RNF19A: variants seen among roughly 807,000 people sequenced by gnomAD.
RNF19A encodes E3 ubiquitin-protein ligase RNF19A.
A neutral mutation model predicts 75.7 loss-of-function variants in RNF19A; 32 were observed. That is an observed-to-expected ratio of 0.42 (90% CI 0.32 to 0.57). RNF19A has a LOEUF of 0.57. Ranked by LOEUF, RNF19A falls within the 20% of genes least tolerant of loss-of-function variation. The pLI is 0.10. For missense variants in RNF19A, 782 were observed against 1,036.3 expected, an observed-to-expected ratio of 0.75 and a Z score of 3.37; for synonymous variants, 335 against 345.2, an observed-to-expected ratio of 0.97 and a Z score of 0.33.
chr8:100,282,250 C>A (rs755096996), intron 2 of RNF19A, among the ~76,000 whole-genome samples: 17 of 152,148 alleles, frequency 1.1e-4, no homozygotes, highest in Non-Finnish European at 2.2e-4. Context: ...CATTAAAACA[C>A]CACCAAAAAT....
chr8:100,274,259 T>C (rs1820397709), intron 3 of RNF19A, among the ~76,000 whole-genome samples: 2 of 152,158 alleles, frequency 1.3e-5, no homozygotes, highest in Admixed American at 6.5e-5. Flanking sequence ...AGGAGAGGAA[T>C]ATCATTTCCA....
At chr8:100,299,994 T>A (rs903310494) in intron 1 of RNF19A, among the ~76,000 whole-genome samples, 2 of 152,196 alleles carry the variant, frequency 1.3e-5, no homozygotes, top group Admixed American at 1.3e-4. Context: ...TATATGTACA[T>A]AGGAGATAAG....
At position 100,261,044 on chromosome 8, in the gene RNF19A, C is replaced by G. The variant is rs1819687599; in HGVS notation, c.1682+498G>C. Among the ~76,000 whole-genome samples, 1 of 152,036 alleles carries G rather than the reference C, an allele frequency of 6.6e-6. No homozygotes were observed. The highest frequency in any genetic ancestry group is 6.6e-5 in the Admixed American group (1 of 15,258). On this transcript the variant is annotated intron_variant, in intron 8 of 9. Transcript: ENST00000341084. The surrounding 1 kb of genome is among the most constrained non-coding windows in gnomAD (Gnocchi z 4.4). ...TTTATAATATAAAATGTGACAAGGA[C>G]AGTGAAAAAATTGGCAGAATGTTAT...
intron 1 of RNF19A, among the ~76,000 whole-genome samples, chr8:100,302,603 T>G (rs556852510): frequency 1.4e-4 from 21 of 152,270 alleles, no homozygotes; most frequent in South Asian, 8.3e-4. Flanking sequence ...ATTTGGATGG[T>G]ATGTAAAATC....
chr8:100,263,370 G>A (rs899211038), intron 7 of RNF19A, among the ~76,000 whole-genome samples: 1 of 152,176 alleles, frequency 6.6e-6, no homozygotes, highest in Non-Finnish European at 1.5e-5. Flanking sequence ...CACTGTATTA[G>A]GTTACGTGGA....
chr8:100,314,938 G>A (rs1170370919), upstream of RNF19A, among the ~76,000 whole-genome samples: 2 of 152,162 alleles, frequency 1.3e-5, no homozygotes, highest in African/African-American at 4.8e-5. This position sits in a 1 kb window ranked among gnomAD's most constrained non-coding sequence, Gnocchi z 4.1. Context: ...TTCCCTAGGT[G>A]CTGCGAGACA....
intron 7 of RNF19A, among the ~76,000 whole-genome samples, chr8:100,263,233 T>C (rs942395395): frequency 2.6e-5 from 4 of 152,094 alleles, no homozygotes; most frequent in African/African-American, 9.7e-5. Flanking sequence ...CCAGCAAAGA[T>C]TAATGAGACG....
chr8:100,330,144 C>T lies in RNF19A; in HGVS notation c.-243+5964G>A, dbSNP rs566226143. ...GTTTCCATCCAAACACCATCCCTTC[C>T]ACTTCTTCCAGAGTTTGCTCCCACA... On this transcript the variant is annotated intron_variant, in intron 1 of 3. Coordinates refer to the RNF19A transcript ENST00000519527. The surrounding 1 kb of genome is among the most constrained non-coding windows in gnomAD (Gnocchi z 4.1). Among the ~76,000 whole-genome samples, 5 of 152,298 alleles carry T rather than the reference C, an allele frequency of 3.3e-5. No homozygotes were observed. The highest frequency in any genetic ancestry group is 9.6e-5 in the African/African-American group (4 of 41,566).
intron 3 of RNF19A, among the ~76,000 whole-genome samples, chr8:100,274,590 G>A (rs895957505): frequency 6.6e-6 from 1 of 152,098 alleles, no homozygotes; most frequent in Non-Finnish European, 1.5e-5. Flanking sequence ...TCACCACGTA[G>A]CCCAGGCCGT....
Position 100,264,487 on chromosome 8 carries a change from A to G in RNF19A, c.1306+184T>C. The G allele has an allele frequency of 1.7e-6, 1 of 591,618 alleles. No individual in the cohort carries two copies. The highest frequency in any genetic ancestry group is 2.2e-5 in the South Asian group (1 of 45,610). The allele number at this position is 591,618 out of a possible 1,614,324, so 36.6% of individuals were successfully genotyped here. A position where few individuals can be genotyped will look rare whatever the true frequency, so the allele number is the denominator to read the frequency against. On this transcript the variant is annotated intron_variant, in intron 6 of 9. Coordinates refer to ENST00000341084, the MANE Select transcript of RNF19A (RefSeq NM_183419.4). This position sits in a 1 kb window ranked among gnomAD's most constrained non-coding sequence, Gnocchi z 4.7. ...GGGTGGAGTGGGGAGGAAGGGTATC[A>G]GCCACTAACAATTTACCAACTACTT...
At chr8:100,309,242 T>G in intron 1 of RNF19A, 3 of 832,604 alleles carry the variant, frequency 3.6e-6, no homozygotes, top group Non-Finnish European at 2.9e-6. Context: ...CTACACCATT[T>G]TGGTGTGATG....
At position 100,269,359 on chromosome 8, in the gene RNF19A, A is replaced by G. The variant is rs1396809786; in HGVS notation, c.1029-412T>C. ...TAAACGATAAAATTTATGTATGGGAAAATTCAATGAAGTATAAGGTAAGAA... is the reference window on the plus strand; with the variant it reads ...TAAACGATAAAATTTATGTATGGGAGAATTCAATGAAGTATAAGGTAAGAA... On this transcript the variant is annotated intron_variant, in intron 4 of 9. Transcript: ENST00000341084. This position sits in a 1 kb window ranked among gnomAD's most constrained non-coding sequence, Gnocchi z 5.7. Among the ~76,000 whole-genome samples, 2 of 151,946 alleles carry G rather than the reference A, an allele frequency of 1.3e-5. No individual in the cohort carries two copies. Among genetic ancestry groups the G allele is most frequent in the African/African-American group, 4.8e-5 (2 of 41,404 alleles).
At chr8:100,295,003 T>C (rs1390610153) in intron 1 of RNF19A, among the ~76,000 whole-genome samples, 1 of 152,196 alleles carries the variant, frequency 6.6e-6, no homozygotes, top group East Asian at 1.9e-4. Flanking sequence ...TCAGTGCCTA[T>C]CATGTGCCAG....
At chr8:100,288,521 C>T in intron 1 of RNF19A, among the ~76,000 whole-genome samples, 1 of 152,174 alleles carries the variant, frequency 6.6e-6, no homozygotes, top group Middle Eastern at 3.2e-3. Flanking sequence ...GTCATTATCA[C>T]TCTGACTTCA....
At chr8:100,312,405 A>G (rs1294227239), upstream of RNF19A, 1 of 152,192 alleles carries the variant, frequency 6.6e-6, no homozygotes, top group African/African-American at 2.4e-5. Context: ...GGAGTTCAAG[A>G]CCAGCCTGAG....
chr8:100,259,973 C>T lies in RNF19A; in HGVS notation c.1707G>A (p.Gln569=). Residue 569 remains glutamine (Q), a synonymous_variant, in exon 9 of 10, where the codon CAG becomes CAA. Transcript: ENST00000341084. The surrounding 1 kb of genome is among the most constrained non-coding windows in gnomAD (Gnocchi z 4.5). The part of the protein sequence containing the change: ...FNRLEVQADV[Q]KERYSLSGES... ...CTCCACTTAGACTGTACCGTTCTTT[C>T]TGTACATCTGCTTGTACTTCCAACC... 1 of 1,613,808 alleles carries T rather than the reference C, an allele frequency of 6.2e-7. No homozygotes were observed. Among genetic ancestry groups the T allele is most frequent in the Non-Finnish European group, 8.5e-7 (1 of 1,179,878 alleles).
chr8:100,307,928 T>A (rs960262677), intron 1 of RNF19A, among the ~76,000 whole-genome samples: 5 of 152,120 alleles, frequency 3.3e-5, no homozygotes, highest in African/African-American at 1.2e-4. Flanking sequence ...CATCAAAAAC[T>A]CAAGAAATCA....
chr8:100,274,867 G>A (rs1820426267), intron 3 of RNF19A, 86 bp downstream of exon 3: 9 of 1,068,494 alleles, frequency 8.4e-6, no homozygotes, highest in Non-Finnish European at 1.2e-5. Flanking sequence ...CAAGTGAAAG[G>A]AAAACAGGAA....
chr8:100,301,557 A>C (rs1460791943), intron 1 of RNF19A, among the ~76,000 whole-genome samples: 1 of 152,190 alleles, frequency 6.6e-6, no homozygotes, highest in African/African-American at 2.4e-5. Flanking sequence ...ATATAGTTTC[A>C]ACTCTATGAA....
Sources: gnomAD v4.1 joint callset for allele counts (sites outside exome capture counted in the v4.1 genomes callset) on GRCh38, gnomAD v4.1.1 for gene constraint, Gnocchi (gnomAD v3.1) non-coding constraint, MANE v1.5 for transcripts, NCBI Gene and HGNC (gene_info 2026-07-23, HGNC 2026-07-21) for gene names.